The following SCAP variants were observed in gnomAD, a reference collection of about 807,000 sequenced individuals.
SCAP encodes the protein sterol regulatory element-binding protein cleavage-activating protein.
SCAP carries 65 observed loss-of-function variants against 123.6 expected under a neutral mutation model. The ratio of observed to expected loss-of-function variants is 0.53; its 90% CI spans 0.43 to 0.65. The LOEUF is 0.65. Among genes scored for constraint, SCAP ranks in the 30% least tolerant of loss-of-function variants. The probability of loss-of-function intolerance (pLI) is 0.00; values close to 1 mark genes in which losing one functional copy is unlikely to be tolerated. For synonymous variants in SCAP, 740 were observed against 726.3 expected, an observed-to-expected ratio of 1.02 and a Z score of -0.30; for missense variants, 1,398 against 1,712.5, an observed-to-expected ratio of 0.82 and a Z score of 3.24.
At chr3:47,426,824 C>G (rs994701865) in intron 6 of SCAP, among the ~76,000 whole-genome samples, 1 of 152,190 alleles carries the variant, frequency 6.6e-6, no homozygotes, top group Non-Finnish European at 1.5e-5. Flanking sequence ...CTGCAGTGCC[C>G]CACTGGGAAG....
At chr3:47,461,918 C>T in intron 1 of SCAP, among the ~76,000 whole-genome samples, 1 of 152,060 alleles carries the variant, frequency 6.6e-6, no homozygotes, top group African/African-American at 2.4e-5. Flanking sequence ...CCTATAATCC[C>T]AGCTACTTGG....
At position 47,414,372 on chromosome 3, in the gene SCAP, G is replaced by A. The variant is rs1419150275; in HGVS notation, c.3402C>T (p.Ala1134=). Residue 1134 remains alanine, a synonymous_variant, in exon 22 of 23, where the codon GCC becomes GCT. Transcript: ENST00000265565. ...TVYIDQTMVL[A]SGGQDGAICL... ...AGATGGCCCCATCTTGTCCTCCACTGGCCAGCACCATGGTCTGGGGAAACA... is the reference window on the plus strand; with the variant it reads ...AGATGGCCCCATCTTGTCCTCCACTAGCCAGCACCATGGTCTGGGGAAACA... The A allele has an allele frequency of 6.2e-7, 1 of 1,612,678 alleles. No homozygotes were observed. The highest frequency in any genetic ancestry group is 1.3e-5 in the African/African-American group (1 of 74,924).
At chr3:47,429,467 C>T (rs1181099837) in intron 3 of SCAP, among the ~76,000 whole-genome samples, 3 of 152,204 alleles carry the variant, frequency 2.0e-5, no homozygotes, top group African/African-American at 7.2e-5. Context: ...GCACCCCCAC[C>T]CACCAAGTAG....
At chr3:47,452,563 T>C (rs150123549) in intron 1 of SCAP, among the ~76,000 whole-genome samples, 32 of 152,354 alleles carry the variant, frequency 2.1e-4, no homozygotes, top group African/African-American at 7.2e-4. Flanking sequence ...CATCCTGTTC[T>C]TCACAAATGT....
rs1036798252 is a variant in SCAP at position 47,470,817 on chromosome 3, G to A, written c.-99+4982C>T. Among the ~76,000 whole-genome samples, 3 of 152,040 alleles carry A rather than the reference G, an allele frequency of 2.0e-5. No individual in the cohort carries two copies. The East Asian group carries it at 5.8e-4, about 29-fold the overall frequency. ...GCGAAGGTTGCAGTGAGCCGAGATC[G>A]CACCACTGCACTCCAGCCTGGGCGA... On this transcript the variant is annotated intron_variant, in intron 1 of 22. Transcript: ENST00000265565.
rs766124980 is a variant in SCAP at position 47,423,967 on chromosome 3, C to T, written c.1116G>A (p.Pro372=). ...LVLTKSVVST[P]VDLEVKLRIA... is the part of the protein sequence containing the mutation. ...TCCGCAGCTTCACCTCCAGGTCTAC[C>T]GGGGTTGAGACCACAGACTTGGTGA... The change falls in exon 9 of 23, where the codon CCG becomes CCA. Residue 372 remains proline (P), a synonymous_variant. Coordinates refer to ENST00000265565, the MANE Select transcript of SCAP (RefSeq NM_012235.4). 9.0e-5 allele frequency: 145 copies of T among 1,614,008 alleles called. No individual in the cohort carries two copies. Among genetic ancestry groups the T allele is most frequent in the Non-Finnish European group, 1.2e-4 (137 of 1,179,978 alleles).
At chr3:47,456,583 T>C (rs1278402827) in intron 1 of SCAP, among the ~76,000 whole-genome samples, 1 of 150,932 alleles carries the variant, frequency 6.6e-6, no homozygotes, top group East Asian at 2.0e-4. Flanking sequence ...CTGACCAATA[T>C]GGCAAAACCC....
At chr3:47,444,768 C>A (rs1706961786) in intron 1 of SCAP, among the ~76,000 whole-genome samples, 1 of 151,646 alleles carries the variant, frequency 6.6e-6, no homozygotes, top group African/African-American at 2.4e-5. Context: ...AACCACCACA[C>A]CCGGCCAGTA....
intron 1 of SCAP, among the ~76,000 whole-genome samples, chr3:47,468,684 A>G: frequency 6.6e-6 from 1 of 152,022 alleles, no homozygotes; most frequent in Non-Finnish European, 1.5e-5. Flanking sequence ...GTTCAGTCTG[A>G]TGGTAGTTTC....
chr3:47,443,804 C>T (rs1706918335), intron 1 of SCAP, among the ~76,000 whole-genome samples: 1 of 152,126 alleles, frequency 6.6e-6, no homozygotes, highest in South Asian at 2.1e-4. Flanking sequence ...GGGGAACCAC[C>T]TCGCTCCACA....
At chr3:47,428,049 C>T (rs1706215136) in intron 4 of SCAP, among the ~76,000 whole-genome samples, 1 of 152,192 alleles carries the variant, frequency 6.6e-6, no homozygotes, top group African/African-American at 2.4e-5. Context: ...TAACTAAAAC[C>T]TGGCAGTGAT....
chr3:47,421,707 T>G (rs1206352604), intron 10 of SCAP, among the ~76,000 whole-genome samples: 1 of 152,210 alleles, frequency 6.6e-6, no homozygotes, highest in Admixed American at 6.5e-5. Flanking sequence ...GATACTACTG[T>G]TTTTCCAGGA....
chr3:47,461,224 GT>G (rs1235429327), intron 1 of SCAP, among the ~76,000 whole-genome samples: 1 of 152,220 alleles, frequency 6.6e-6, no homozygotes, highest in African/African-American at 2.4e-5. Context: ...GTCACAATGT[GT>G]GAAGCCTCAC....
At chr3:47,444,377 C>T (rs1706941975) in intron 1 of SCAP, among the ~76,000 whole-genome samples, 1 of 152,238 alleles carries the variant, frequency 6.6e-6, no homozygotes, top group Non-Finnish European at 1.5e-5. Flanking sequence ...AAAGGAGTCA[C>T]ACCACAGCCA....
chr3:47,435,598 TGGTCTTA>T, intron 2 of SCAP, among the ~76,000 whole-genome samples: 1 of 151,982 alleles, frequency 6.6e-6, no homozygotes, highest in East Asian at 1.9e-4. Context: ...TTGACCAGGC[TGGTCTTA>T]AAACTCCTGA....
rs1708133377 is a variant in SCAP at position 47,473,144 on chromosome 3, CTT to C, written c.-99+2653_-99+2654del. On this transcript the variant is annotated intron_variant, in intron 1 of 22. Transcript: ENST00000265565. ...CAAGAACAGCATAAAAGGATGGACT[CTT>C]TTGTCAGCCAAATCTCAGTTTGCAC... Among the ~76,000 whole-genome samples, 8 of 146,674 alleles carry C rather than the reference CTT, an allele frequency of 5.5e-5. No individual in the cohort carries two copies. The South Asian group carries it at 1.8e-3, about 32-fold the overall frequency.
chr3:47,437,119 T>A (rs1706608483), intron 2 of SCAP, among the ~76,000 whole-genome samples: 1 of 152,160 alleles, frequency 6.6e-6, no homozygotes, highest in Non-Finnish European at 1.5e-5. Flanking sequence ...TTGAGGAACA[T>A]TTGGCTGTTT....
chr3:47,420,529 A>G lies in SCAP; in HGVS notation c.1563+25T>C, dbSNP rs1559542469. 6.4e-7 allele frequency: 1 copy of G among 1,563,402 alleles called. No individual in the cohort carries two copies. The highest frequency in any genetic ancestry group is 2.3e-5 in the East Asian group (1 of 43,778). On this transcript the variant is annotated intron_variant, in intron 12 of 22. Transcript: ENST00000265565. The surrounding 1 kb of genome is among the most constrained non-coding windows in gnomAD (Gnocchi z 5.0). ...GAGCACCGGCCCTCCAGAAGAGGGCAGGGCAGGGCAGGGGTGGCAGGTACC... is the reference window on the plus strand; with the variant it reads ...GAGCACCGGCCCTCCAGAAGAGGGCGGGGCAGGGCAGGGGTGGCAGGTACC...
intron 14 of SCAP, 27 bp from the exon 15 acceptor site, chr3:47,418,549 G>A (rs2107775390): frequency 1.3e-6 from 2 of 1,570,674 alleles, no homozygotes; most frequent in East Asian, 4.7e-5. Flanking sequence ...ACTGCTGTGA[G>A]ACACACCTCA....
Sources: gnomAD v4.1 joint callset for allele counts (sites outside exome capture counted in the v4.1 genomes callset) on GRCh38, gnomAD v4.1.1 for gene constraint, Gnocchi (gnomAD v3.1) non-coding constraint, MANE v1.5 for transcripts, NCBI Gene and HGNC (gene_info 2026-07-23, HGNC 2026-07-21) for gene names.